COMMD10: variants seen among roughly 807,000 people sequenced by gnomAD.
The protein encoded by COMMD10 is COMM domain-containing protein 10.
A neutral mutation model predicts 28.9 loss-of-function variants in COMMD10; 33 were observed. The observed-to-expected ratio is 1.14, with a 90% CI of 0.87 to 1.53. The LOEUF is 1.53. COMMD10 is among the 40% of genes most tolerant of loss of function. COMMD10 has a pLI of 0.00. For missense variants in COMMD10, 310 were observed against 233.4 expected (o/e 1.33, Z -2.14); for synonymous variants, 110 against 81.7 (o/e 1.35, Z -1.87).
chr5:116,255,762 G>A (rs898109471), intron 5 of COMMD10: 1 of 133,448 alleles, frequency 7.5e-6, no homozygotes, highest in African/African-American at 3.5e-5. Context: ...TATCTTACAG[G>A]CAAAAAAGAT....
chr5:116,197,357 C>A (rs1410200672), intron 5 of COMMD10, among the ~76,000 whole-genome samples: 1 of 151,872 alleles, frequency 6.6e-6, no homozygotes, highest in Admixed American at 6.6e-5. Context: ...TTTTCTGTTT[C>A]TTGCCAAATT....
intron 5 of COMMD10, among the ~76,000 whole-genome samples, chr5:116,213,811 A>G (rs539703578): frequency 3.4e-4 from 51 of 152,206 alleles, no homozygotes; most frequent in Admixed American, 1.7e-3. Flanking sequence ...TACAAATACC[A>G]TGTTAAGGTG....
chr5:116,167,268 A>G (rs1753154537), intron 5 of COMMD10, among the ~76,000 whole-genome samples: 1 of 152,002 alleles, frequency 6.6e-6, no homozygotes, highest in African/African-American at 2.4e-5. Flanking sequence ...AACTTAATGA[A>G]GTAAAGCATG....
intron 5 of COMMD10, among the ~76,000 whole-genome samples, chr5:116,165,035 CT>C (rs1338873229): frequency 6.6e-6 from 1 of 152,160 alleles, no homozygotes; most frequent in African/African-American, 2.4e-5. Flanking sequence ...TACAGCTTTT[CT>C]AATTTTTTAA....
chr5:116,241,701 C>T (rs535022551), intron 5 of COMMD10, among the ~76,000 whole-genome samples: 2 of 152,108 alleles, frequency 1.3e-5, no homozygotes, highest in East Asian at 3.9e-4. Flanking sequence ...AATGCTCCGC[C>T]TCCCGGGTTC....
rs79767029 is a variant in COMMD10, at chr5:116,248,290, G to A, written c.511-43227G>A. Among the ~76,000 whole-genome samples the A allele has an allele frequency of 5.6e-3, 855 of 152,092 alleles. 33 individuals carry two copies. The highest frequency in any genetic ancestry group is 0.036 in the East Asian group (188 of 5,158). ...TTGACTTAAGTGTAGCTTTTGGACA[G>A]CATTGAAAGTTTCAGATACAGATGG... On this transcript the variant is annotated intron_variant, in intron 5 of 6. Transcript: ENST00000274458.
chr5:116,156,178 T>C (rs1752702191), intron 5 of COMMD10, among the ~76,000 whole-genome samples: 2 of 152,236 alleles, frequency 1.3e-5, no homozygotes, highest in South Asian at 2.1e-4. Flanking sequence ...AACTCTGTAT[T>C]ATATTTTTGA....
intron 4 of COMMD10, among the ~76,000 whole-genome samples, chr5:116,096,762 C>G (rs1750483121): frequency 6.6e-6 from 1 of 151,992 alleles, no homozygotes; most frequent in Non-Finnish European, 1.5e-5. Flanking sequence ...TTTAAAAATT[C>G]TGTATTCTTA....
intron 5 of COMMD10, among the ~76,000 whole-genome samples, chr5:116,231,687 G>A (rs1055119095): frequency 1.3e-5 from 2 of 152,026 alleles, no homozygotes; most frequent in Admixed American, 6.6e-5. Flanking sequence ...TAGTATGATA[G>A]CTAAAATGCT....
chr5:116,210,596 G>A (rs902008153), intron 5 of COMMD10, among the ~76,000 whole-genome samples: 28 of 152,016 alleles, frequency 1.8e-4, no homozygotes, highest in Non-Finnish European at 4.4e-5. Flanking sequence ...TATCTAGTCA[G>A]CATTTATGAA....
Position 116,283,989 on chromosome 5 carries a change from G to T in COMMD10, c.511-7528G>T, listed in dbSNP as rs151314081. Among the ~76,000 whole-genome samples, 30 of 151,534 alleles carry T rather than the reference G, an allele frequency of 2.0e-4. 1 individual carries two copies. Among genetic ancestry groups the T allele is most frequent in the Non-Finnish European group, 3.1e-4 (21 of 67,980 alleles). ...TACAAACAATAAAAATAACTTACTG[G>T]GTGTGGAAGCGCACTTCTAATCCCA... On this transcript the variant is annotated intron_variant, in intron 5 of 6. Coordinates refer to ENST00000274458, the MANE Select transcript of COMMD10 (RefSeq NM_016144.4).
chr5:116,245,498 G>A (rs867330549), intron 5 of COMMD10, among the ~76,000 whole-genome samples: 1 of 152,058 alleles, frequency 6.6e-6, no homozygotes, highest in Non-Finnish European at 1.5e-5. Context: ...TGTGAGGCTA[G>A]CATCACCCTG....
intron 5 of COMMD10, among the ~76,000 whole-genome samples, chr5:116,268,913 C>A (rs371470386): frequency 6.7e-6 from 1 of 149,296 alleles, no homozygotes; most frequent in African/African-American, 2.5e-5. Context: ...CACTTGGACA[C>A]AGAGAGAGGA....
At chr5:116,166,635 C>A (rs1050063774) in intron 5 of COMMD10, among the ~76,000 whole-genome samples, 5 of 152,234 alleles carry the variant, frequency 3.3e-5, no homozygotes, top group East Asian at 1.9e-4. Context: ...GACGAAACTT[C>A]CAGAGGAAGG....
rs147997089 is a variant in COMMD10, at chr5:116,280,822, G to A, written c.511-10695G>A. Among the ~76,000 whole-genome samples, 163 of 151,876 alleles carry A rather than the reference G, an allele frequency of 1.1e-3. 1 individual carries two copies. The highest frequency in any genetic ancestry group is 3.7e-3 in the African/African-American group (153 of 41,276). ...TCATCTATAATTATATTGTTATAGA[G>A]AATATATCTGTAGACATATTTAATA... On this transcript the variant is annotated intron_variant, in intron 5 of 6. Transcript: ENST00000274458.
chr5:116,128,265 C>T (rs1384185882), intron 4 of COMMD10, among the ~76,000 whole-genome samples: 2 of 151,942 alleles, frequency 1.3e-5, no homozygotes, highest in Admixed American at 6.6e-5. Context: ...ATTTTAGTAA[C>T]ATTCTCAGGT....
At chr5:116,145,348 A>C (rs542800713) in intron 5 of COMMD10, among the ~76,000 whole-genome samples, 110 of 151,920 alleles carry the variant, frequency 7.2e-4, no homozygotes, top group Admixed American at 2.4e-3. Context: ...TTAATTGCTC[A>C]GGTGCACATG....
rs574159201 is a variant in COMMD10 at position 116,258,481 on chromosome 5, A to G, written c.511-33036A>G. On this transcript the variant is annotated intron_variant, in intron 5 of 6. Coordinates refer to ENST00000274458, the MANE Select transcript of COMMD10 (RefSeq NM_016144.4). The stretch of plus-strand genomic sequence containing the variant: ...TTTGTTTTACTGGAGTTGATCATTT[A>G]ATAATTCTTAGATTGTATCTGAAGG... Among the ~76,000 whole-genome samples the G allele has an allele frequency of 2.6e-5, 4 of 151,636 alleles. No individual in the cohort carries two copies. In the South Asian group the frequency reaches 8.3e-4, roughly 31 times the overall value.
At chr5:116,099,718 A>G (rs976607219) in intron 4 of COMMD10, among the ~76,000 whole-genome samples, 2 of 151,956 alleles carry the variant, frequency 1.3e-5, no homozygotes, top group African/African-American at 4.8e-5. Flanking sequence ...TCTTTTATAT[A>G]CCTGTTGATC....
Sources: gnomAD v4.1 joint callset for allele counts (sites outside exome capture counted in the v4.1 genomes callset) on GRCh38, gnomAD v4.1.1 for gene constraint, MANE v1.5 for transcripts, NCBI Gene and HGNC (gene_info 2026-07-23, HGNC 2026-07-21) for gene names.